Variants in ADGRL2 observed in about 807,000 individuals in gnomAD.
ADGRL2 encodes the protein adhesion G protein-coupled receptor L2.
In ADGRL2, 44 loss-of-function variants were observed where a neutral mutation model predicts 157.4. That is an observed-to-expected ratio of 0.28 (90% CI 0.22 to 0.36). The LOEUF is 0.36. Among genes scored for constraint, ADGRL2 ranks in the 10% least tolerant of loss-of-function variants. The probability of loss-of-function intolerance (pLI) is 1.00; values close to 1 mark genes in which losing one functional copy is unlikely to be tolerated. For missense variants in ADGRL2, 1,510 were observed against 1,768.9 expected, an observed-to-expected ratio of 0.85 and a Z score of 2.63; for synonymous variants, 585 against 624.7, an observed-to-expected ratio of 0.94 and a Z score of 0.95.
At chr1:81,612,483 TTC>T (rs1425861651) in intron 3 of ADGRL2, among the ~76,000 whole-genome samples, 1 of 152,100 alleles carries the variant, frequency 6.6e-6, no homozygotes, top group East Asian at 1.9e-4. Context: ...ATAAACAATA[TTC>T]TATGAGAATA....
intron 1 of ADGRL2, among the ~76,000 whole-genome samples, chr1:81,368,513 G>C (rs1267680882): frequency 6.6e-6 from 1 of 152,008 alleles, no homozygotes; most frequent in African/African-American, 2.4e-5. Context: ...ATTCATATTT[G>C]CCATGTATCT....
chr1:81,826,822 C>T (rs926306181), intron 1 of ADGRL2, among the ~76,000 whole-genome samples: 5 of 152,040 alleles, frequency 3.3e-5, no homozygotes, highest in South Asian at 2.1e-4. Flanking sequence ...AGTCAAACAC[C>T]TAGATTATTA....
chr1:81,322,087 C>CATATATATATATATATATATATATAT (rs148181887), intron 1 of ADGRL2, among the ~76,000 whole-genome samples: 1 of 112,464 alleles, frequency 8.9e-6, no homozygotes, highest in African/African-American at 3.3e-5. Context: ...AGGACTAATT[C>CATATATATATATATATATATATATAT]ATATATATAT....
chr1:81,722,496 C>T lies in ADGRL2; in HGVS notation c.-143+22688C>T, dbSNP rs147939242. The stretch of plus-strand genomic sequence containing the variant: ...GTCAAATTACAGAAGCCAAATGCTG[C>T]CATCCAAGACTGTGACAGAGCCATG... On this transcript the variant is annotated intron_variant, in intron 1 of 20. Transcript: ENST00000359929. 9.4e-5 allele frequency: 146 copies of T among 1,556,382 alleles called. 1 individual carries two copies. The African/African-American group carries it at 1.7e-3, about 18-fold the overall frequency.
At chr1:81,391,855 CA>C (rs1422930384) in intron 1 of ADGRL2, among the ~76,000 whole-genome samples, 1 of 152,104 alleles carries the variant, frequency 6.6e-6, no homozygotes, top group African/African-American at 2.4e-5. Context: ...TTTTGAAATG[CA>C]ATACATCTAA....
intron 1 of ADGRL2, among the ~76,000 whole-genome samples, chr1:81,431,570 A>G (rs11163293): frequency 0.13 from 20,190 of 152,228 alleles, 1,605 homozygotes; most frequent in South Asian, 0.18. Context: ...GATGGAACTG[A>G]TTTAAAATGC....
chr1:81,438,805 T>C (rs946911484), intron 1 of ADGRL2, among the ~76,000 whole-genome samples: 1 of 152,154 alleles, frequency 6.6e-6, no homozygotes, highest in Non-Finnish European at 1.5e-5. Context: ...TACACTTCAA[T>C]ATATTTCTAT....
chr1:81,839,768 C>CAT (rs1014607985), intron 2 of ADGRL2, among the ~76,000 whole-genome samples: 5 of 144,654 alleles, frequency 3.5e-5, no homozygotes, highest in East Asian at 2.0e-4. Flanking sequence ...TTTTTTTCAT[C>CAT]ATATATATAT....
In ADGRL2 at chr1:81,526,670, G is replaced by A. The variant is rs549284622; in HGVS notation, c.-247-54206G>A. On this transcript the variant is annotated intron_variant, in intron 2 of 24. Coordinates refer to the ADGRL2 transcript ENST00000370721. Reference sequence around the variant, plus strand: ...CTGGGAGGGAGATTTTGTTTTTTTAGGAATGTTTGTATTTTTTCTGCTTTA... The same window carrying A: ...CTGGGAGGGAGATTTTGTTTTTTTAAGAATGTTTGTATTTTTTCTGCTTTA... Among the ~76,000 whole-genome samples the A allele has an allele frequency of 1.4e-3, 215 of 152,186 alleles. 3 individuals are homozygous for A. Among genetic ancestry groups the A allele is most frequent in the Admixed American group, 4.3e-3 (65 of 15,276 alleles).
At chr1:81,443,987 T>A (rs746261328) in intron 1 of ADGRL2, among the ~76,000 whole-genome samples, 3 of 152,152 alleles carry the variant, frequency 2.0e-5, no homozygotes, top group Non-Finnish European at 2.9e-5. Context: ...TTATCAGACA[T>A]CTATCCGATG....
chr1:81,519,340 C>T (rs890397384), intron 2 of ADGRL2, among the ~76,000 whole-genome samples: 1 of 152,068 alleles, frequency 6.6e-6, no homozygotes, highest in African/African-American at 2.4e-5. Context: ...ATTTGACTTC[C>T]TGACTCATAT....
intron 1 of ADGRL2, among the ~76,000 whole-genome samples, chr1:81,402,187 G>T (rs902915229): frequency 6.6e-6 from 1 of 152,028 alleles, no homozygotes; most frequent in Admixed American, 6.6e-5. Flanking sequence ...TATACTGTGG[G>T]GTCCTGATAG....
chr1:81,388,940 T>C (rs902734104), intron 1 of ADGRL2, among the ~76,000 whole-genome samples: 1 of 152,052 alleles, frequency 6.6e-6, no homozygotes, highest in Non-Finnish European at 1.5e-5. Flanking sequence ...GTAGATAGTC[T>C]TTTGCAGTCC....
chr1:81,551,482 G>A (rs1484850468), intron 2 of ADGRL2, among the ~76,000 whole-genome samples: 3 of 152,194 alleles, frequency 2.0e-5, no homozygotes, highest in Non-Finnish European at 4.4e-5. Context: ...GCAAAGCAAT[G>A]CATGTTGCCT....
Position 81,963,319 on chromosome 1 carries a change from A to G in ADGRL2, c.2018-2739A>G, listed in dbSNP as rs148160949. On this transcript the variant is annotated intron_variant, in intron 11 of 23. Transcript: ENST00000686636. ...TTTATCGTTAACGTCCCTCGTTATT[A>G]CTATGTAGTTAATTGTGTTTACTGT... is the stretch of plus-strand genomic sequence containing the variant. Among the ~76,000 whole-genome samples the G allele has an allele frequency of 5.8e-3, 878 of 152,126 alleles. 5 individuals carry two copies. Among genetic ancestry groups the G allele is most frequent in the African/African-American group, 0.02 (832 of 41,556 alleles).
At chr1:81,712,334 T>C (rs990329541) in intron 1 of ADGRL2, among the ~76,000 whole-genome samples, 1 of 152,198 alleles carries the variant, frequency 6.6e-6, no homozygotes, top group Non-Finnish European at 1.5e-5. Flanking sequence ...TGAGTCCCAA[T>C]AGAAATAAAT....
intron 1 of ADGRL2, among the ~76,000 whole-genome samples, chr1:81,313,846 T>C (rs1203191505): frequency 2.6e-5 from 4 of 152,186 alleles, no homozygotes. Flanking sequence ...GATTTTTTTC[T>C]GGTGTTCATT....
Position 81,876,578 on chromosome 1 carries a change from T to G in ADGRL2, c.74-30439T>G, listed in dbSNP as rs377327322. ...TCATGTATTAACAAGTAGAGTTACCTGGCTATCAATAAGTACTTGTTTAAC... is the reference window on the plus strand; with the variant it reads ...TCATGTATTAACAAGTAGAGTTACCGGGCTATCAATAAGTACTTGTTTAAC... On this transcript the variant is annotated intron_variant, in intron 2 of 23. Transcript: ENST00000686636. Among the ~76,000 whole-genome samples, 23 of 122,076 alleles carry G rather than the reference T, an allele frequency of 1.9e-4. No individual in the cohort carries two copies. In the East Asian group the frequency reaches 9.1e-3, roughly 49 times the overall value. The allele number at this position is 122,076 out of a possible 152,430, so 80.1% of individuals were successfully genotyped here. A position where few individuals can be genotyped will look rare whatever the true frequency, so the allele number is the denominator to read the frequency against.
At chr1:81,614,134 C>A (rs1167823937) in intron 3 of ADGRL2, among the ~76,000 whole-genome samples, 1 of 152,176 alleles carries the variant, frequency 6.6e-6, no homozygotes, top group Non-Finnish European at 1.5e-5. Flanking sequence ...TTGAAATTTC[C>A]TTCCTACTTC....
Sources: gnomAD v4.1 joint callset for allele counts (sites outside exome capture counted in the v4.1 genomes callset) on GRCh38, gnomAD v4.1.1 for gene constraint, MANE v1.5 for transcripts, NCBI Gene and HGNC (gene_info 2026-07-23, HGNC 2026-07-21) for gene names.